Variants in RGS3 observed in about 807,000 individuals in gnomAD.
RGS3 encodes the protein regulator of G-protein signalling 3.
A neutral mutation model predicts 132.6 loss-of-function variants in RGS3; 80 were observed. The observed-to-expected ratio is 0.60, with a 90% CI of 0.50 to 0.73. The LOEUF (loss-of-function observed/expected upper bound fraction) is 0.73. Ranked by LOEUF, RGS3 falls within the 30% of genes least tolerant of loss-of-function variation. The pLI is 0.00. For synonymous variants in RGS3, 598 were observed against 620.6 expected (o/e 0.96, Z 0.54); for missense variants, 1,382 against 1,530.8 (o/e 0.90, Z 1.62).
chr9:113,512,825 C>A (rs1331491406), intron 14 of RGS3, among the ~76,000 whole-genome samples: 1 of 152,150 alleles, frequency 6.6e-6, no homozygotes, highest in Admixed American at 6.5e-5. Context: ...TTCCCTCCCA[C>A]CTGCTTGGTC....
intron 10 of RGS3, among the ~76,000 whole-genome samples, chr9:113,498,306 C>T (rs374468224): frequency 1.3e-5 from 2 of 152,286 alleles, no homozygotes; most frequent in East Asian, 3.9e-4. Flanking sequence ...GCCAGGCCCC[C>T]ACCTCTGGAA....
chr9:113,454,608 A>AAAAAC (rs560087358), intron 1 of RGS3, among the ~76,000 whole-genome samples: 19 of 152,148 alleles, frequency 1.2e-4, no homozygotes, highest in South Asian at 6.2e-4. Flanking sequence ...ACAGTATCAA[A>AAAAAC]AAAACAAAAC....
At chr9:113,573,913 A>G (rs1377365144) in intron 19 of RGS3, among the ~76,000 whole-genome samples, 2 of 152,210 alleles carry the variant, frequency 1.3e-5, no homozygotes, top group Non-Finnish European at 2.9e-5. Flanking sequence ...AGAGGAGTAG[A>G]AAGAGCAGGG....
At chr9:113,562,062 G>A (rs552900356) in intron 19 of RGS3, among the ~76,000 whole-genome samples, 192 of 152,300 alleles carry the variant, frequency 1.3e-3, no homozygotes, top group African/African-American at 4.3e-3. Flanking sequence ...GCTGCCCTGC[G>A]CCATGGTGCA....
intron 16 of RGS3, among the ~76,000 whole-genome samples, chr9:113,520,837 T>C (rs918841372): frequency 3.9e-5 from 6 of 152,104 alleles, no homozygotes; most frequent in Non-Finnish European, 7.4e-5. Flanking sequence ...ATTATTATTA[T>C]TAATTATTAT....
At position 113,536,968 on chromosome 9, in the gene RGS3, C is replaced by T. The variant is rs747874807; in HGVS notation, c.2037+50C>T. 2.6e-6 allele frequency: 4 copies of T among 1,566,876 alleles called. No individual in the cohort carries two copies. In the Admixed American group the frequency reaches 5.0e-5, roughly 20 times the overall value. On this transcript the variant is annotated intron_variant, in intron 19 of 24. Transcript: ENST00000350696. ...GCCTGGCTGCCTCGTTTCCCCTCAG[C>T]CAGCCTAGACCCTTGAGCCTCTGCA...
chr9:113,446,872 A>G (rs946531138), intron 1 of RGS3, among the ~76,000 whole-genome samples: 4 of 152,204 alleles, frequency 2.6e-5, no homozygotes, highest in Admixed American at 2.0e-4. Flanking sequence ...TCAGGAAGGC[A>G]GTATTTGGAA....
At chr9:113,582,040 G>C (rs1834845970) in intron 19 of RGS3, 1 of 985,350 alleles carries the variant, frequency 1.0e-6, no homozygotes. Context: ...CCCGTGCCGA[G>C]CTTTCACATC....
chr9:113,483,633 G>A (rs975852975), intron 5 of RGS3, among the ~76,000 whole-genome samples: 1 of 152,248 alleles, frequency 6.6e-6, no homozygotes, highest in African/African-American at 2.4e-5. Context: ...GGTTCCAGGT[G>A]CTGGCCCTCA....
At chr9:113,474,699 C>T (rs1829937188) in intron 3 of RGS3, among the ~76,000 whole-genome samples, 1 of 152,194 alleles carries the variant, frequency 6.6e-6, no homozygotes, top group Non-Finnish European at 1.5e-5. Flanking sequence ...CATCACCCTT[C>T]CTGTAGCTTT....
intron 19 of RGS3, among the ~76,000 whole-genome samples, chr9:113,552,216 C>T (rs1833366865): frequency 6.6e-6 from 1 of 152,080 alleles, no homozygotes; most frequent in South Asian, 2.1e-4. Context: ...TCATTTTTCC[C>T]AAATAGTTAT....
intron 17 of RGS3, among the ~76,000 whole-genome samples, chr9:113,527,851 G>A (rs1425341437): frequency 6.6e-6 from 1 of 152,156 alleles, no homozygotes; most frequent in Non-Finnish European, 1.5e-5. Flanking sequence ...TGTGTTAAGG[G>A]TTCTACCTTG....
chr9:113,536,464 C>G, intron 18 of RGS3: 1 of 1,027,628 alleles, frequency 9.7e-7, no homozygotes, highest in Non-Finnish European at 1.2e-6. Flanking sequence ...CGTGCTCCCT[C>G]AGCTGCTGCT....
chr9:113,471,939 A>T (rs368297244), intron 3 of RGS3, among the ~76,000 whole-genome samples: 1 of 152,236 alleles, frequency 6.6e-6, no homozygotes, highest in East Asian at 1.9e-4. Flanking sequence ...CCATAAAAAG[A>T]TGAGTAACCC....
At chr9:113,492,463 A>C (rs184058874) in intron 7 of RGS3, among the ~76,000 whole-genome samples, 8 of 152,296 alleles carry the variant, frequency 5.3e-5, no homozygotes, top group African/African-American at 7.2e-5. Flanking sequence ...TTGAACTGCT[A>C]TTTAAATTCC....
At position 113,473,256 on chromosome 9, in the gene RGS3, A is replaced by G. The variant is rs186544444; in HGVS notation, c.416-6235A>G. Among the ~76,000 whole-genome samples, 127 of 152,352 alleles carry G rather than the reference A, an allele frequency of 8.3e-4. 1 individual carries two copies. In the South Asian group the frequency reaches 0.025, roughly 30 times the overall value. ...TCACCTCTTGAAAGGAAGAGTATCA[A>G]AGACTTTGTGGACAAATTTTAAACC... On this transcript the variant is annotated intron_variant, in intron 3 of 24. Coordinates refer to ENST00000350696, the Ensembl canonical transcript of RGS3.
At chr9:113,512,485 CA>C (rs1296865437) in intron 14 of RGS3, among the ~76,000 whole-genome samples, 4 of 152,164 alleles carry the variant, frequency 2.6e-5, no homozygotes, top group South Asian at 4.1e-4. Flanking sequence ...GGTCACTTGT[CA>C]GGGGCACGGG....
In RGS3 at chr9:113,565,646, G is replaced by A. The variant is rs1276270876; in HGVS notation, c.2038-17804G>A. ...GCCACAGCCACGGCCGCCCGCCTGC[G>A]GGAGGAGCCGGGTGGAAACCTGGGC... On this transcript the variant is annotated intron_variant, in intron 19 of 24. Transcript: ENST00000350696. The surrounding 1 kb of genome is among the most constrained non-coding windows in gnomAD (Gnocchi z 5.7). 4 of 284,180 alleles carry A rather than the reference G, an allele frequency of 1.4e-5. No individual in the cohort carries two copies. The highest frequency in any genetic ancestry group is 2.8e-5 in the Non-Finnish European group (4 of 142,648). The allele number at this position is 284,180 out of a possible 1,614,324, so 17.6% of individuals were successfully genotyped here. A position where few individuals can be genotyped will look rare whatever the true frequency, so the allele number is the denominator to read the frequency against.
At chr9:113,588,208 G>A (rs557201652) in intron 20 of RGS3, among the ~76,000 whole-genome samples, 2 of 152,356 alleles carry the variant, frequency 1.3e-5, no homozygotes, top group South Asian at 4.1e-4. Context: ...ACGTAGGTCA[G>A]AGATCAGACG....
Sources: gnomAD v4.1 joint callset for allele counts (sites outside exome capture counted in the v4.1 genomes callset) on GRCh38, gnomAD v4.1.1 for gene constraint, Gnocchi (gnomAD v3.1) non-coding constraint, MANE v1.5 for transcripts, NCBI Gene and HGNC (gene_info 2026-07-23, HGNC 2026-07-21) for gene names.